Variants in FARS2 observed in about 807,000 individuals in gnomAD.
The protein encoded by FARS2 is phenylalanine--tRNA ligase, mitochondrial.
FARS2 carries 40 observed loss-of-function variants against 46.4 expected under a neutral mutation model. That is an observed-to-expected ratio of 0.86 (90% CI 0.67 to 1.12). FARS2 has a LOEUF of 1.12. Ranked by LOEUF, FARS2 falls within the 50% of genes most tolerant of loss-of-function variation. The pLI, the probability that FARS2 is intolerant of heterozygous loss-of-function variation, is 0.00. For synonymous variants in FARS2, 234 were observed against 214.9 expected (o/e 1.09, Z -0.78); for missense variants, 513 against 567.9 (o/e 0.90, Z 0.98).
intron 1 of FARS2, among the ~76,000 whole-genome samples, chr6:5,303,934 C>T (rs147161220): frequency 2.6e-5 from 4 of 152,158 alleles, no homozygotes; most frequent in African/African-American, 4.8e-5. Context: ...CCAGGTGGCT[C>T]TCCGTGGACT....
chr6:5,491,100 T>A lies in FARS2; in HGVS notation c.905-54080T>A, dbSNP rs1467610109. Among the ~76,000 whole-genome samples the A allele has an allele frequency of 2.0e-5, 3 of 152,346 alleles. No homozygotes were observed. The East Asian group carries it at 5.8e-4, about 29-fold the overall frequency. ...CCATACCCTCAGCAACATTTTATAT[T>A]GTTGGTTCTCTTTAGCGATTCTAGT... is the stretch of plus-strand genomic sequence containing the variant. On this transcript the variant is annotated intron_variant, in intron 4 of 6. Transcript: ENST00000274680.
At chr6:5,273,685 A>G (rs1335390645) in intron 1 of FARS2, among the ~76,000 whole-genome samples, 3 of 152,118 alleles carry the variant, frequency 2.0e-5, no homozygotes, top group Non-Finnish European at 2.9e-5. Context: ...GATGTAATCT[A>G]ATTTTTCTCT....
intron 1 of FARS2, among the ~76,000 whole-genome samples, chr6:5,295,386 A>AT (rs985864311): frequency 3.6e-4 from 54 of 150,392 alleles, no homozygotes; most frequent in Admixed American, 2.1e-3. Context: ...TGTTATTCTA[A>AT]TTTTTTTTTT....
chr6:5,735,831 G>A (rs1286135772), intron 6 of FARS2, among the ~76,000 whole-genome samples: 2 of 152,162 alleles, frequency 1.3e-5, no homozygotes, highest in Non-Finnish European at 2.9e-5. Flanking sequence ...GTGGCACCGT[G>A]CTTTGTGACT....
At chr6:5,614,405 C>CGTCTTTTTTTTTTTTTTT (rs1561753252) in intron 6 of FARS2, among the ~76,000 whole-genome samples, 1 of 147,354 alleles carries the variant, frequency 6.8e-6, no homozygotes, top group African/African-American at 2.6e-5. Flanking sequence ...CTGTTTCCTT[C>CGTCTTTTTTTTTTTTTTT]TTTGTCTTTT....
intron 3 of FARS2, among the ~76,000 whole-genome samples, chr6:5,414,339 C>G (rs574254373): frequency 1.3e-4 from 20 of 152,296 alleles, no homozygotes; most frequent in South Asian, 8.3e-4. Context: ...TAAACCATCA[C>G]CACAATCAAG....
At chr6:5,648,045 G>A (rs1290484738) in intron 6 of FARS2, among the ~76,000 whole-genome samples, 1 of 152,192 alleles carries the variant, frequency 6.6e-6, no homozygotes, top group Non-Finnish European at 1.5e-5. Context: ...TATACATGAA[G>A]TGCCAGGCAC....
intron 1 of FARS2, among the ~76,000 whole-genome samples, chr6:5,366,324 C>A (rs1485433308): frequency 6.6e-6 from 1 of 152,138 alleles, no homozygotes; most frequent in Non-Finnish European, 1.5e-5. Context: ...TTGGTCTTAT[C>A]CTCCTGGGTC....
chr6:5,497,108 C>G (rs1767516970), intron 4 of FARS2, among the ~76,000 whole-genome samples: 1 of 152,162 alleles, frequency 6.6e-6, no homozygotes, highest in African/African-American at 2.4e-5. Context: ...GGTACTGAGA[C>G]TTAAATGAAA....
chr6:5,654,829 A>G (rs1396846368), intron 6 of FARS2, among the ~76,000 whole-genome samples: 1 of 151,320 alleles, frequency 6.6e-6, no homozygotes, highest in Non-Finnish European at 1.5e-5. Flanking sequence ...AGCAAGACCA[A>G]CCTCTCCTCT....
chr6:5,643,712 T>A (rs1236792868), intron 6 of FARS2, among the ~76,000 whole-genome samples: 1 of 152,106 alleles, frequency 6.6e-6, no homozygotes, highest in African/African-American at 2.4e-5. Flanking sequence ...TCCCAGTGGT[T>A]TGGAGCCAAT....
intron 5 of FARS2, among the ~76,000 whole-genome samples, chr6:5,607,369 CA>C (rs1350345433): frequency 1.1e-4 from 17 of 149,166 alleles, no homozygotes; most frequent in Non-Finnish European, 2.5e-4. Flanking sequence ...CTCCTTACAC[CA>C]GGGGGAAAAT....
At chr6:5,620,940 A>G (rs996725627) in intron 6 of FARS2, among the ~76,000 whole-genome samples, 2 of 152,098 alleles carry the variant, frequency 1.3e-5, no homozygotes, top group African/African-American at 4.8e-5. Context: ...TTTCTCTTTC[A>G]CCTGAACTAC....
At chr6:5,549,456 G>C (rs1355969476) in intron 5 of FARS2, among the ~76,000 whole-genome samples, 2 of 152,086 alleles carry the variant, frequency 1.3e-5, no homozygotes, top group Non-Finnish European at 2.9e-5. Context: ...CTTGTGAACT[G>C]TCACCTTTTC....
At chr6:5,318,945 C>T (rs1359858586) in intron 1 of FARS2, among the ~76,000 whole-genome samples, 1 of 152,112 alleles carries the variant, frequency 6.6e-6, no homozygotes, top group Non-Finnish European at 1.5e-5. Context: ...TCCCTGCTTC[C>T]CGACCCTATT....
chr6:5,478,159 A>G (rs1002394210), intron 4 of FARS2, among the ~76,000 whole-genome samples: 4 of 152,216 alleles, frequency 2.6e-5, no homozygotes, highest in African/African-American at 4.8e-5. Flanking sequence ...CACTCAGTCA[A>G]TATGTGTGGA....
At chr6:5,615,572 C>T (rs1775425628) in intron 6 of FARS2, among the ~76,000 whole-genome samples, 1 of 152,212 alleles carries the variant, frequency 6.6e-6, no homozygotes, top group East Asian at 1.9e-4. Flanking sequence ...CCAGAAATTT[C>T]GTATGCTCCA....
At chr6:5,436,755 C>A (rs1763543642) in intron 4 of FARS2, among the ~76,000 whole-genome samples, 1 of 152,078 alleles carries the variant, frequency 6.6e-6, no homozygotes, top group African/African-American at 2.4e-5. Flanking sequence ...AATGTCTGTT[C>A]ATAGAGCATC....
intron 4 of FARS2, among the ~76,000 whole-genome samples, chr6:5,444,261 G>A (rs551334689): frequency 6.6e-6 from 1 of 152,182 alleles, no homozygotes; most frequent in East Asian, 1.9e-4. Flanking sequence ...AAGGTCAGGA[G>A]TTCGCGACCA....
Sources: allele counts gnomAD v4.1 joint callset (sites outside exome capture counted in the v4.1 genomes callset), GRCh38; gene constraint gnomAD v4.1.1; transcripts MANE v1.5; gene names NCBI Gene and HGNC (gene_info 2026-07-23, HGNC 2026-07-21).